Variants in CTNND2 observed in about 807,000 individuals in gnomAD.
The protein encoded by CTNND2 is catenin delta 2.
Under a neutral mutation model 144.4 loss-of-function variants are expected in CTNND2, and 22 were observed. The observed-to-expected ratio is 0.15, with a 90% CI of 0.11 to 0.22. The LOEUF is 0.22. Among genes scored for constraint, CTNND2 ranks in the 10% least tolerant of loss-of-function variants. The pLI, the probability that CTNND2 is intolerant of heterozygous loss-of-function variation, is 1.00. For synonymous variants in CTNND2, 751 were observed against 695.6 expected, an observed-to-expected ratio of 1.08 and a Z score of -1.25; for missense variants, 1,353 against 1,618.8, an observed-to-expected ratio of 0.84 and a Z score of 2.82.
At chr5:11,204,970 G>A (rs1561018779) in intron 10 of CTNND2, among the ~76,000 whole-genome samples, 1 of 152,122 alleles carries the variant, frequency 6.6e-6, no homozygotes, top group Non-Finnish European at 1.5e-5. Context: ...AGAAAAGGTT[G>A]GAGTAGCTTT....
intron 11 of CTNND2, among the ~76,000 whole-genome samples, chr5:11,172,914 G>C (rs1247650515): frequency 6.6e-6 from 1 of 152,356 alleles, no homozygotes; most frequent in South Asian, 2.1e-4. Flanking sequence ...CTATACAGTG[G>C]AAGTGAGGAC....
chr5:11,400,842 G>C (rs1009972849), intron 5 of CTNND2, among the ~76,000 whole-genome samples: 2 of 152,216 alleles, frequency 1.3e-5, no homozygotes, highest in Admixed American at 6.5e-5. Context: ...CAGTGTCACA[G>C]ACATGGTAAC....
At chr5:11,822,864 C>A (rs552514892) in intron 1 of CTNND2, among the ~76,000 whole-genome samples, 72 of 152,234 alleles carry the variant, frequency 4.7e-4, no homozygotes, top group African/African-American at 1.6e-3. Flanking sequence ...GATCTGGATT[C>A]AGGCCTTGTG....
At chr5:11,708,974 T>C (rs920950994) in intron 2 of CTNND2, among the ~76,000 whole-genome samples, 3 of 152,158 alleles carry the variant, frequency 2.0e-5, no homozygotes, top group African/African-American at 7.2e-5. Context: ...TTCGCACAAA[T>C]TGTCACATGC....
intron 16 of CTNND2, among the ~76,000 whole-genome samples, chr5:11,074,727 C>A (rs375828542): frequency 6.6e-6 from 1 of 152,186 alleles, no homozygotes; most frequent in Non-Finnish European, 1.5e-5. Context: ...AAAGACCTGG[C>A]ATGGAGGAAG....
intron 12 of CTNND2, among the ~76,000 whole-genome samples, chr5:11,154,900 C>G (rs1015440023): frequency 5.3e-5 from 8 of 152,172 alleles, no homozygotes; most frequent in African/African-American, 1.7e-4. Context: ...AGGCCTTCTT[C>G]CCTGTGTGTC....
chr5:11,223,426 C>T (rs1740001689), intron 10 of CTNND2, among the ~76,000 whole-genome samples: 1 of 152,192 alleles, frequency 6.6e-6, no homozygotes, highest in South Asian at 2.1e-4. Context: ...TTTCTTGCTG[C>T]CTCCTACAAA....
chr5:11,434,045 T>C (rs991859723), intron 3 of CTNND2, among the ~76,000 whole-genome samples: 2 of 152,226 alleles, frequency 1.3e-5, no homozygotes, highest in African/African-American at 4.8e-5. Flanking sequence ...GTTTTATTCA[T>C]AATTGTCCCA....
intron 11 of CTNND2, among the ~76,000 whole-genome samples, chr5:11,181,433 A>G (rs1760984587): frequency 1.3e-5 from 2 of 152,136 alleles, no homozygotes; most frequent in African/African-American, 4.8e-5. Flanking sequence ...AGATGGCGAC[A>G]ACCAGCAGAG....
intron 2 of CTNND2, among the ~76,000 whole-genome samples, chr5:11,653,233 G>A (rs1279601014): frequency 7.2e-5 from 11 of 152,030 alleles, no homozygotes; most frequent in Admixed American, 7.2e-4. Flanking sequence ...TTGGCATACT[G>A]ATTTTAATTC....
intron 3 of CTNND2, among the ~76,000 whole-genome samples, chr5:11,499,397 A>G (rs1770321409): frequency 6.6e-6 from 1 of 152,204 alleles, no homozygotes; most frequent in African/African-American, 2.4e-5. Context: ...GAGGCCAGAC[A>G]ATGGCAGGAT....
chr5:11,326,822 T>TG (rs1018810276), intron 9 of CTNND2, among the ~76,000 whole-genome samples: 17 of 152,028 alleles, frequency 1.1e-4, no homozygotes, highest in African/African-American at 3.4e-4. Flanking sequence ...GAATCACAAC[T>TG]GGGGGGTCTT....
chr5:11,856,595 A>G (rs1009366379), intron 1 of CTNND2, among the ~76,000 whole-genome samples: 3 of 152,188 alleles, frequency 2.0e-5, no homozygotes, highest in Non-Finnish European at 4.4e-5. Flanking sequence ...AGTGCAAAAC[A>G]GAGGATAGAA....
At chr5:11,614,296 T>TA (rs1285673972) in intron 2 of CTNND2, among the ~76,000 whole-genome samples, 1 of 152,132 alleles carries the variant, frequency 6.6e-6, no homozygotes, top group Admixed American at 6.5e-5. Flanking sequence ...TCAGACAGGT[T>TA]AAAAAATGTG....
At chr5:11,548,449 T>C (rs1775454100) in intron 3 of CTNND2, among the ~76,000 whole-genome samples, 1 of 152,248 alleles carries the variant, frequency 6.6e-6, no homozygotes, top group South Asian at 2.1e-4. Flanking sequence ...GCTACTATCT[T>C]AAAATATAAG....
intron 16 of CTNND2, among the ~76,000 whole-genome samples, chr5:11,069,822 T>G (rs879528656): frequency 6.6e-6 from 1 of 152,198 alleles, no homozygotes; most frequent in Non-Finnish European, 1.5e-5. Context: ...CTTCTGAGCC[T>G]AATGGTAGAT....
At chr5:11,656,770 C>T (rs934448988) in intron 2 of CTNND2, among the ~76,000 whole-genome samples, 1 of 152,122 alleles carries the variant, frequency 6.6e-6, no homozygotes, top group Non-Finnish European at 1.5e-5. Context: ...AATGATAAAA[C>T]AGTCCATCCC....
chr5:11,513,215 C>T (rs908416020), intron 3 of CTNND2, among the ~76,000 whole-genome samples: 1 of 152,180 alleles, frequency 6.6e-6, no homozygotes. Flanking sequence ...GCATCCCTTC[C>T]ATGAGCTGCA....
At chr5:11,572,761 G>T (rs1302527583) in intron 2 of CTNND2, among the ~76,000 whole-genome samples, 1 of 152,100 alleles carries the variant, frequency 6.6e-6, no homozygotes, top group Non-Finnish European at 1.5e-5. Flanking sequence ...ATGAGACCTG[G>T]TTCTCAGATG....
Sources: gnomAD v4.1 joint callset for allele counts (sites outside exome capture counted in the v4.1 genomes callset) on GRCh38, gnomAD v4.1.1 for gene constraint, MANE v1.5 for transcripts, NCBI Gene and HGNC (gene_info 2026-07-23, HGNC 2026-07-21) for gene names.